The following NTRK2 variants were observed in gnomAD, a reference collection of about 807,000 sequenced individuals.
The protein encoded by NTRK2 is neurotrophic receptor tyrosine kinase 2.
In NTRK2, 13 loss-of-function variants were observed where a neutral mutation model predicts 94.5. That is an observed-to-expected ratio of 0.14 (90% CI 0.09 to 0.22). The LOEUF is 0.22. Ranked by LOEUF, NTRK2 falls within the 10% of genes least tolerant of loss-of-function variation. The pLI, the probability that NTRK2 is intolerant of heterozygous loss-of-function variation, is 1.00. For missense variants in NTRK2, 639 were observed against 1,071.2 expected, an observed-to-expected ratio of 0.60 and a Z score of 5.63; for synonymous variants, 372 against 407.4, an observed-to-expected ratio of 0.91 and a Z score of 1.05.
chr9:84,833,612 AAG>A (rs139696362), intron 12 of NTRK2, among the ~76,000 whole-genome samples: 8,407 of 150,078 alleles, frequency 0.056, 773 homozygotes, highest in African/African-American at 0.19. Flanking sequence ...AAAGAAAAGA[AAG>A]AGAGAGAGAA....
chr9:84,994,610 A>T (rs148235881), intron 17 of NTRK2, among the ~76,000 whole-genome samples: 11 of 152,264 alleles, frequency 7.2e-5, no homozygotes, highest in Admixed American at 3.3e-4. Context: ...ACTCTTTAGC[A>T]TCTCATATCC....
chr9:84,935,400 G>A (rs1212321319), intron 15 of NTRK2, among the ~76,000 whole-genome samples: 1 of 152,196 alleles, frequency 6.6e-6, no homozygotes, highest in Non-Finnish European at 1.5e-5. Flanking sequence ...TCATCCAGCA[G>A]ACTAAATGGT....
At chr9:84,803,261 G>C (rs762272372) in intron 12 of NTRK2, among the ~76,000 whole-genome samples, 4 of 152,200 alleles carry the variant, frequency 2.6e-5, no homozygotes, top group Non-Finnish European at 5.9e-5. Flanking sequence ...TCTGGGTAAA[G>C]AACCTTCTTT....
chr9:84,882,721 C>CGCGCGCGCGCGT (rs1564428894), intron 14 of NTRK2, among the ~76,000 whole-genome samples: 1 of 110,864 alleles, frequency 9.0e-6, no homozygotes, highest in African/African-American at 3.6e-5. Flanking sequence ...TGTGTGTGTG[C>CGCGCGCGCGCGT]GCGCGCGCGC....
chr9:84,818,298 G>A (rs1312704004), intron 12 of NTRK2, among the ~76,000 whole-genome samples: 1 of 152,190 alleles, frequency 6.6e-6, no homozygotes, highest in Non-Finnish European at 1.5e-5. Context: ...CTAGAGCGAG[G>A]CCAGCCAGGT....
chr9:84,682,534 G>A (rs2059451037), intron 2 of NTRK2, among the ~76,000 whole-genome samples: 1 of 152,014 alleles, frequency 6.6e-6, no homozygotes, highest in South Asian at 2.1e-4. Context: ...GTTAGGGATA[G>A]GATCCTATCT....
At chr9:84,740,879 T>C (rs1277291380) in intron 9 of NTRK2, among the ~76,000 whole-genome samples, 1 of 152,234 alleles carries the variant, frequency 6.6e-6, no homozygotes, top group Non-Finnish European at 1.5e-5. Flanking sequence ...CTCATTTCGC[T>C]TTACTTTAAT....
At chr9:84,710,188 C>T (rs554202268) in intron 5 of NTRK2, among the ~76,000 whole-genome samples, 2 of 152,278 alleles carry the variant, frequency 1.3e-5, no homozygotes, top group South Asian at 4.1e-4. Flanking sequence ...AATTGTTCTG[C>T]CCCCTGCTGA....
intron 12 of NTRK2, among the ~76,000 whole-genome samples, chr9:84,820,542 T>C (rs2072738972): frequency 6.6e-6 from 1 of 152,230 alleles, no homozygotes; most frequent in South Asian, 2.1e-4. Flanking sequence ...AGTATCTACA[T>C]GTATTTTACG....
intron 12 of NTRK2, among the ~76,000 whole-genome samples, chr9:84,794,114 A>T (rs1378466965): frequency 1.3e-5 from 2 of 152,206 alleles, no homozygotes; most frequent in African/African-American, 4.8e-5. Flanking sequence ...GTTGACGTGT[A>T]TATCTGCCAG....
At chr9:84,710,587 G>C (rs2061366841) in intron 5 of NTRK2, 50 bp from the exon 6 acceptor site, 1 of 1,602,506 alleles carries the variant, frequency 6.2e-7, no homozygotes, top group South Asian at 1.1e-5. Context: ...CACTAATGTA[G>C]CTAAAATGGA....
rs892127210 is a variant in NTRK2 at position 84,916,617 on chromosome 9, T to C, written c.1634-17545T>C. ...CAGCACAGTGGACTCCAGATCCCAT[T>C]AGGAGCAGGCCTAAGGCTGCTTATT... is the stretch of plus-strand genomic sequence containing the variant. On this transcript the variant is annotated intron_variant, in intron 14 of 18. Coordinates refer to ENST00000277120, the MANE Select transcript of NTRK2 (RefSeq NM_006180.6). 2.6e-5 allele frequency among the ~76,000 whole-genome samples: 4 copies of C among 152,238 alleles called. 1 individual carries two copies. Among genetic ancestry groups the C allele is most frequent in the Middle Eastern group, 6.8e-3 (2 of 294 alleles).
chr9:84,773,184 G>A (rs2066721086), intron 12 of NTRK2, among the ~76,000 whole-genome samples: 1 of 152,166 alleles, frequency 6.6e-6, no homozygotes, highest in South Asian at 2.1e-4. Flanking sequence ...TTGTTTTAAT[G>A]GACTGTAAAT....
At chr9:84,955,549 G>T in intron 17 of NTRK2, 32 bp downstream of exon 17, 2 of 1,569,354 alleles carry the variant, frequency 1.3e-6, no homozygotes, top group South Asian at 1.1e-5. Flanking sequence ...AGACCCCAGG[G>T]ACCTCTTTCC....
chr9:84,821,815 TAGAGAG>T (rs55923826), intron 12 of NTRK2, among the ~76,000 whole-genome samples: 8,769 of 147,404 alleles, frequency 0.059, 330 homozygotes, highest in African/African-American at 0.11. Context: ...GGGAGAGAAG[TAGAGAG>T]AGAGAGAGAG....
chr9:84,951,168 G>C (rs2078768847), intron 16 of NTRK2, among the ~76,000 whole-genome samples: 2 of 152,152 alleles, frequency 1.3e-5, no homozygotes, highest in Admixed American at 1.3e-4. Flanking sequence ...CTGGATCCCT[G>C]TTCTCTGCTT....
chr9:84,997,939 C>T (rs1261631895), intron 17 of NTRK2, among the ~76,000 whole-genome samples: 1 of 152,168 alleles, frequency 6.6e-6, no homozygotes, highest in Admixed American at 6.5e-5. Flanking sequence ...TTGCTATGCT[C>T]CAGCCCCTGC....
At chr9:84,926,182 CTTTCTTTCTTT>C (rs2077798591) in intron 14 of NTRK2, among the ~76,000 whole-genome samples, 1 of 95,636 alleles carries the variant, frequency 1.0e-5, no homozygotes, top group Non-Finnish European at 2.2e-5. Flanking sequence ...TTCTTTCTTT[CTTTCTTTCTTT>C]CTTTCTTTCT....
At chr9:84,795,918 A>G (rs1331307928) in intron 12 of NTRK2, among the ~76,000 whole-genome samples, 1 of 151,482 alleles carries the variant, frequency 6.6e-6, no homozygotes, top group Non-Finnish European at 1.5e-5. Context: ...TCCAGGTGCT[A>G]TATAGATGTC....
Sources: gnomAD v4.1 joint callset for allele counts (sites outside exome capture counted in the v4.1 genomes callset) on GRCh38, gnomAD v4.1.1 for gene constraint, MANE v1.5 for transcripts, NCBI Gene and HGNC (gene_info 2026-07-23, HGNC 2026-07-21) for gene names.